Variants in HS3ST3A1 observed in about 807,000 individuals in gnomAD.
The protein encoded by HS3ST3A1 is heparan sulfate-glucosamine 3-sulfotransferase 3A1, also known as heparan sulfate glucosamine 3-O-sulfotransferase 3A1.
A neutral mutation model predicts 25.7 loss-of-function variants in HS3ST3A1; 19 were observed. That is an observed-to-expected ratio of 0.74 (90% confidence interval 0.52 to 1.08). HS3ST3A1 has a LOEUF of 1.08. Ranked by LOEUF, HS3ST3A1 falls within the 50% of genes least tolerant of loss-of-function variation. The probability of loss-of-function intolerance (pLI) is 0.00; values close to 1 mark genes in which losing one functional copy is unlikely to be tolerated. For synonymous variants in HS3ST3A1, 226 were observed against 278.6 expected, an observed-to-expected ratio of 0.81 and a Z score of 1.88; for missense variants, 459 against 594.3, an observed-to-expected ratio of 0.77 and a Z score of 2.37.
intron 1 of HS3ST3A1, among the ~76,000 whole-genome samples, chr17:13,528,892 T>TG (rs1030767618): frequency 4.3e-5 from 6 of 138,550 alleles, no homozygotes; most frequent in Admixed American, 1.6e-4. Context: ...TGTGGGAGCA[T>TG]GGGTAATGCA....
intron 1 of HS3ST3A1, among the ~76,000 whole-genome samples, chr17:13,582,660 G>A (rs974125037): frequency 6.6e-6 from 1 of 152,104 alleles, no homozygotes; most frequent in Non-Finnish European, 1.5e-5. Flanking sequence ...GTATTTCTAA[G>A]ATTTCAAAAT....
At chr17:13,498,103 A>G (rs1905340029) in intron 1 of HS3ST3A1, among the ~76,000 whole-genome samples, 1 of 152,180 alleles carries the variant, frequency 6.6e-6, no homozygotes, top group Non-Finnish European at 1.5e-5. Context: ...TTATTTATAA[A>G]TCCCCTCATT....
intron 1 of HS3ST3A1, among the ~76,000 whole-genome samples, chr17:13,567,851 A>G (rs552240763): frequency 6.6e-6 from 1 of 152,348 alleles, no homozygotes; most frequent in East Asian, 1.9e-4. Context: ...CCTGGTAAAG[A>G]TGCTGTGAGC....
chr17:13,508,915 A>G (rs1905771584), intron 1 of HS3ST3A1, among the ~76,000 whole-genome samples: 1 of 152,078 alleles, frequency 6.6e-6, no homozygotes, highest in Non-Finnish European at 1.5e-5. Context: ...TTCTTTGTGT[A>G]CCAAGCAAAA....
chr17:13,544,308 A>T (rs1907021716), intron 1 of HS3ST3A1, among the ~76,000 whole-genome samples: 1 of 152,192 alleles, frequency 6.6e-6, no homozygotes, highest in African/African-American at 2.4e-5. Flanking sequence ...GCCTTAGTGA[A>T]ACTGAACAGA....
intron 1 of HS3ST3A1, among the ~76,000 whole-genome samples, chr17:13,531,674 C>T (rs61092548): frequency 0.099 from 15,079 of 152,054 alleles, 893 homozygotes; most frequent in Non-Finnish European, 0.14. Flanking sequence ...TCTCTCCAGA[C>T]CTTATTTTTG....
At chr17:13,591,981 T>C (rs1207234486) in intron 1 of HS3ST3A1, among the ~76,000 whole-genome samples, 1 of 152,186 alleles carries the variant, frequency 6.6e-6, no homozygotes, top group Admixed American at 6.5e-5. Context: ...CCCAATTTTC[T>C]AACTAAAGGT....
intron 1 of HS3ST3A1, among the ~76,000 whole-genome samples, chr17:13,546,796 A>C (rs1251194742): frequency 6.6e-6 from 1 of 152,222 alleles, no homozygotes; most frequent in Non-Finnish European, 1.5e-5. Flanking sequence ...AGTGCCAAGC[A>C]GCAGTTGTTC....
At chr17:13,505,697 T>G (rs1905641706) in intron 1 of HS3ST3A1, among the ~76,000 whole-genome samples, 1 of 151,772 alleles carries the variant, frequency 6.6e-6, no homozygotes, top group Admixed American at 6.6e-5. Context: ...GAACAATTAT[T>G]TTGAAGAAGG....
At chr17:13,557,466 AC>A (rs72454377) in intron 1 of HS3ST3A1, among the ~76,000 whole-genome samples, 32 of 151,808 alleles carry the variant, frequency 2.1e-4, no homozygotes, top group Non-Finnish European at 3.8e-4. Flanking sequence ...AACAACAACA[AC>A]AAAAAAACCC....
intron 1 of HS3ST3A1, among the ~76,000 whole-genome samples, chr17:13,563,794 T>A (rs1037791092): frequency 1.3e-5 from 2 of 152,230 alleles, no homozygotes; most frequent in African/African-American, 4.8e-5. Context: ...CCCTGGAGTA[T>A]GCGGTTGCAG....
At chr17:13,549,511 A>G (rs1177017394) in intron 1 of HS3ST3A1, among the ~76,000 whole-genome samples, 3 of 152,110 alleles carry the variant, frequency 2.0e-5, no homozygotes, top group Non-Finnish European at 4.4e-5. Flanking sequence ...CTGTGTAAAA[A>G]TTTCCTCTTG....
intron 1 of HS3ST3A1, among the ~76,000 whole-genome samples, chr17:13,503,185 A>G (rs1905542498): frequency 6.6e-6 from 1 of 151,354 alleles, no homozygotes; most frequent in Non-Finnish European, 1.5e-5. Context: ...AAAAAAAAAA[A>G]AAAAAAGAAA....
At chr17:13,519,299 G>A (rs997121038) in intron 1 of HS3ST3A1, among the ~76,000 whole-genome samples, 7 of 152,202 alleles carry the variant, frequency 4.6e-5, no homozygotes, top group African/African-American at 1.7e-4. Context: ...TAAAAAGTTT[G>A]AGAATAATTG....
chr17:13,571,810 A>G (rs2142373688), intron 1 of HS3ST3A1, among the ~76,000 whole-genome samples: 1 of 152,272 alleles, frequency 6.6e-6, no homozygotes, highest in South Asian at 2.1e-4. Context: ...CCCAGGCTGG[A>G]GTGCGGTGGC....
In HS3ST3A1 at chr17:13,601,001, G is replaced by T. The variant is rs1263363078; in HGVS notation, c.129C>A (p.Ala43=). The change falls in exon 1 of 2, where the codon GCC becomes GCA. Residue 43 remains alanine, a synonymous_variant. Coordinates refer to ENST00000284110, the MANE Select transcript of HS3ST3A1 (RefSeq NM_006042.3). ...GGCCGGACAGGGTCTGGCAGCGCTC[G>T]GCCAGGCAGTAGAAGACGTAAAGGG... is the stretch of plus-strand genomic sequence containing the variant. ...LTSLYVFYCL[A]ERCQTLSGPV... 6.3e-6 allele frequency: 10 copies of T among 1,579,350 alleles called. No homozygotes were observed. Among genetic ancestry groups the T allele is most frequent in the East Asian group, 2.3e-5 (1 of 42,684 alleles).
chr17:13,530,744 C>G (rs998882258), intron 1 of HS3ST3A1, among the ~76,000 whole-genome samples: 4 of 152,168 alleles, frequency 2.6e-5, no homozygotes, highest in Admixed American at 2.6e-4. Context: ...CAGCACAAGT[C>G]ACAGTCAATA....
chr17:13,532,766 G>C (rs910418661), intron 1 of HS3ST3A1, among the ~76,000 whole-genome samples: 5 of 152,104 alleles, frequency 3.3e-5, no homozygotes, highest in African/African-American at 1.2e-4. Context: ...TCAGAGAGCA[G>C]CATGCAGGAT....
At chr17:13,574,523 C>A (rs1175135698) in intron 1 of HS3ST3A1, among the ~76,000 whole-genome samples, 3 of 151,596 alleles carry the variant, frequency 2.0e-5, no homozygotes, top group South Asian at 4.2e-4. Flanking sequence ...TCGAGACCAT[C>A]CTGGCTAACA....
Sources: allele counts gnomAD v4.1 joint callset (sites outside exome capture counted in the v4.1 genomes callset), GRCh38; gene constraint gnomAD v4.1.1; transcripts MANE v1.5; gene names NCBI Gene and HGNC (gene_info 2026-07-23, HGNC 2026-07-21).